The following DNAH7 variants were observed in gnomAD, a reference collection of about 807,000 sequenced individuals.
DNAH7 encodes axonemal beta dynein heavy chain 7.
A neutral mutation model predicts 444.6 loss-of-function variants in DNAH7; 397 were observed. That is an observed-to-expected ratio of 0.89 (90% CI 0.82 to 0.97). The LOEUF is 0.97. DNAH7 is among the 50% of genes least tolerant of loss of function. The pLI is 0.00. For synonymous variants in DNAH7, 1,636 were observed against 1,624.4 expected, an observed-to-expected ratio of 1.01 and a Z score of -0.17; for missense variants, 4,902 against 4,800.8, an observed-to-expected ratio of 1.02 and a Z score of -0.62.
chr2:195,796,818 G>C (rs1186424010), intron 55 of DNAH7, 81 bp from the exon 56 acceptor site: 41 of 1,435,986 alleles, frequency 2.9e-5, no homozygotes, highest in Non-Finnish European at 3.7e-5. Context: ...AGTTAACATT[G>C]ACTATATTAC....
intron 1 of DNAH7, among the ~76,000 whole-genome samples, chr2:196,058,378 G>A (rs1014312655): frequency 1.3e-5 from 2 of 152,176 alleles, no homozygotes; most frequent in Admixed American, 1.3e-4. Context: ...TATAGGATAC[G>A]CCAGGAGGGC....
intron 5 of DNAH7, among the ~76,000 whole-genome samples, chr2:196,042,635 A>G (rs906517393): frequency 4.6e-5 from 7 of 152,108 alleles, no homozygotes; most frequent in Non-Finnish European, 8.8e-5. Flanking sequence ...AAATCAACTT[A>G]AAGTCATAAT....
intron 53 of DNAH7, among the ~76,000 whole-genome samples, chr2:195,807,144 A>T (rs560965649): frequency 6.6e-6 from 1 of 151,968 alleles, no homozygotes; most frequent in South Asian, 2.1e-4. Flanking sequence ...ATTCCTCCAA[A>T]CACAGGCATT....
intron 5 of DNAH7, among the ~76,000 whole-genome samples, chr2:196,041,341 A>T (rs1362267271): frequency 6.6e-6 from 1 of 152,164 alleles, no homozygotes; most frequent in African/African-American, 2.4e-5. Flanking sequence ...CCAAAACAGC[A>T]TAATGCTGAT....
At chr2:195,818,319 A>C (rs1051695841) in intron 49 of DNAH7, among the ~76,000 whole-genome samples, 3 of 152,248 alleles carry the variant, frequency 2.0e-5, no homozygotes, top group Non-Finnish European at 2.9e-5. Context: ...GTTACTTGTC[A>C]TGAGTGAAGT....
intron 29 of DNAH7, among the ~76,000 whole-genome samples, chr2:195,897,449 G>A (rs1702385365): frequency 6.6e-6 from 1 of 151,990 alleles, no homozygotes. Flanking sequence ...ATTATTTTCT[G>A]CAGTAACAAA....
intron 54 of DNAH7, among the ~76,000 whole-genome samples, chr2:195,804,623 T>A (rs528967765): frequency 6.6e-6 from 1 of 152,362 alleles, no homozygotes; most frequent in East Asian, 1.9e-4. Flanking sequence ...CAAGCCTGCT[T>A]ATAGTGCTTA....
At chr2:195,752,091 G>C (rs564131037) in intron 63 of DNAH7, among the ~76,000 whole-genome samples, 36 of 152,072 alleles carry the variant, frequency 2.4e-4, no homozygotes, top group Non-Finnish European at 4.1e-4. Context: ...GACAACACAG[G>C]GAGACCCTGT....
rs185505247 is a variant in DNAH7 at position 195,958,058 on chromosome 2, T to A, written c.2892-611A>T. 3.3e-3 allele frequency among the ~76,000 whole-genome samples: 507 copies of A among 152,280 alleles called. 2 individuals are homozygous for A. The highest frequency in any genetic ancestry group is 0.011 in the South Asian group (55 of 4,816). ...GAATAAAGCCCTTATTTCTAAAATATAGTTGACCCTTCAACAACACAGGTT... is the reference window on the plus strand; with the variant it reads ...GAATAAAGCCCTTATTTCTAAAATAAAGTTGACCCTTCAACAACACAGGTT... On this transcript the variant is annotated intron_variant, in intron 18 of 64. Coordinates refer to ENST00000312428, the MANE Select transcript of DNAH7 (RefSeq NM_018897.3).
Position 195,891,684 on chromosome 2 carries a change from C to G in DNAH7, c.5017G>C (p.Val1673Leu). The G allele has an allele frequency of 6.3e-7, 1 of 1,594,144 alleles. No individual in the cohort carries two copies. Among genetic ancestry groups the G allele is most frequent in the Non-Finnish European group, 8.5e-7 (1 of 1,171,790 alleles). Residue 1673 changes from valine to leucine, a missense_variant, in exon 31 of 65, where the codon GTC (valine) becomes CTC (leucine). Val to Leu is a conservative substitution (Grantham distance 32). Transcript: ENST00000312428. The part of the protein sequence containing the change: ...SHEWSDGVLA[V>L]SFRAFASSVT... ...GAAGAGGCAAATGCTCTAAAACTGA[C>G]AGCAAGGACCCCATCAGACCATTCA...
intron 8 of DNAH7, among the ~76,000 whole-genome samples, chr2:196,021,990 G>A (rs1032367462): frequency 1.3e-5 from 2 of 151,930 alleles, no homozygotes; most frequent in African/African-American, 4.8e-5. Flanking sequence ...AGCCAGGCGT[G>A]GTGGTGCACA....
At chr2:196,010,277 G>A (rs548804731) in intron 10 of DNAH7, among the ~76,000 whole-genome samples, 96 of 151,918 alleles carry the variant, frequency 6.3e-4, no homozygotes, top group African/African-American at 2.1e-3. Flanking sequence ...AGCTTCCCAA[G>A]TAGCTGGGAT....
intron 9 of DNAH7, among the ~76,000 whole-genome samples, chr2:196,017,858 G>A (rs899495986): frequency 4.6e-5 from 7 of 152,048 alleles, no homozygotes; most frequent in African/African-American, 1.7e-4. Flanking sequence ...TAGTTAGCCA[G>A]GAAGATCTCA....
intron 48 of DNAH7, among the ~76,000 whole-genome samples, chr2:195,829,909 A>C (rs1039664530): frequency 1.3e-5 from 2 of 151,976 alleles, no homozygotes; most frequent in Non-Finnish European, 2.9e-5. Context: ...TTAGTACTGA[A>C]TATTTATTAT....
intron 49 of DNAH7, among the ~76,000 whole-genome samples, chr2:195,820,568 TTCA>T (rs1205507076): frequency 6.6e-6 from 1 of 152,140 alleles, no homozygotes; most frequent in Non-Finnish European, 1.5e-5. Flanking sequence ...TGCTCCTGAT[TTCA>T]TCATTTCCCT....
chr2:196,047,308 G>A (rs755504126), intron 5 of DNAH7, 44 bp downstream of exon 5: 3 of 1,461,838 alleles, frequency 2.1e-6, no homozygotes, highest in South Asian at 1.6e-5. Flanking sequence ...GTTGCCAGGG[G>A]CTCTAACATG....
chr2:195,948,593 G>C (rs921637287), intron 19 of DNAH7, among the ~76,000 whole-genome samples: 1 of 152,180 alleles, frequency 6.6e-6, no homozygotes, highest in African/African-American at 2.4e-5. Context: ...TCAAAGATCA[G>C]ATGGTTGTAG....
rs558635062 is a variant in DNAH7, at chr2:195,945,494, T to TA, written c.3079-8703dup. Among the ~76,000 whole-genome samples the TA allele has an allele frequency of 3.4e-4, 52 of 152,302 alleles. 1 individual carries two copies. In the South Asian group the frequency reaches 7.0e-3, roughly 21 times the overall value. On this transcript the variant is annotated intron_variant, in intron 19 of 64. Coordinates refer to ENST00000312428, the MANE Select transcript of DNAH7 (RefSeq NM_018897.3). ...GATCTTCCTTGACAGCAGAAATAGC[T>TA]AAAATGACAGAAAGCTGGTCACTTT... is the stretch of plus-strand genomic sequence containing the variant.
At chr2:195,807,689 G>A (rs1289253655) in intron 53 of DNAH7, among the ~76,000 whole-genome samples, 7 of 152,124 alleles carry the variant, frequency 4.6e-5, no homozygotes, top group African/African-American at 1.7e-4. Context: ...ACCAGAAGGG[G>A]TAAACCTTGG....
Sources: gnomAD v4.1 joint callset for allele counts (sites outside exome capture counted in the v4.1 genomes callset) on GRCh38, gnomAD v4.1.1 for gene constraint, MANE v1.5 for transcripts, NCBI Gene and HGNC (gene_info 2026-07-23, HGNC 2026-07-21) for gene names.